CIT: variants seen among roughly 807,000 people sequenced by gnomAD.
CIT encodes citron rho-interacting serine/threonine kinase.
In CIT, 79 loss-of-function variants were observed where a neutral mutation model predicts 272.7. That is an observed-to-expected ratio of 0.29 (90% CI 0.24 to 0.35). CIT has a LOEUF of 0.35. Among genes scored for constraint, CIT ranks in the 10% least tolerant of loss-of-function variants. The pLI, the probability that CIT is intolerant of heterozygous loss-of-function variation, is 1.00. For missense variants in CIT, 1,909 were observed against 2,618.3 expected (o/e 0.73, Z 5.91); for synonymous variants, 948 against 995.6 (o/e 0.95, Z 0.90).
In CIT at chr12:119,764,818, C is replaced by CT. The variant is rs1210626323; in HGVS notation, c.2304+2268dup. On this transcript the variant is annotated intron_variant, in intron 19 of 47. Transcript: ENST00000392521. ...CAATCAAATTCTTTTTTATTTTTTT[C>CT]TTTTTTGAGACAGAGTCTCACTCTG... is the stretch of plus-strand genomic sequence containing the variant. Among the ~76,000 whole-genome samples the CT allele has an allele frequency of 2.0e-5, 3 of 151,466 alleles. No individual in the cohort carries two copies. The East Asian group carries it at 5.8e-4, about 29-fold the overall frequency.
In CIT at chr12:119,690,945, A is replaced by G. The variant is rs1323331318; in HGVS notation, c.5883-491T>C. Among the ~76,000 whole-genome samples, 1 of 152,180 alleles carries G rather than the reference A, an allele frequency of 6.6e-6. No individual in the cohort carries two copies. Among genetic ancestry groups the G allele is most frequent in the Non-Finnish European group, 1.5e-5 (1 of 68,026 alleles). On this transcript the variant is annotated intron_variant, in intron 46 of 47. Transcript: ENST00000392521. The surrounding 1 kb of genome is among the most constrained non-coding windows in gnomAD (Gnocchi z 6.0). ...TCCCAGCACTTTGGGAGGCCGAGGC[A>G]GGTAGATCACGAGGTCAGGAGATCG...
intron 10 of CIT, among the ~76,000 whole-genome samples, chr12:119,792,993 T>C (rs902121299): frequency 6.6e-6 from 1 of 152,056 alleles, no homozygotes; most frequent in African/African-American, 2.4e-5. Context: ...AAAATAACAA[T>C]GGTGCCCATC....
intron 23 of CIT, among the ~76,000 whole-genome samples, chr12:119,746,672 C>T (rs1013795457): frequency 6.6e-6 from 1 of 152,168 alleles, no homozygotes; most frequent in African/African-American, 2.4e-5. Context: ...GATCCATTTC[C>T]ATTAAAATTA....
chr12:119,765,099 C>T (rs1020591790), intron 19 of CIT, among the ~76,000 whole-genome samples: 2 of 152,062 alleles, frequency 1.3e-5, no homozygotes, highest in African/African-American at 4.8e-5. Flanking sequence ...TGAACCACCG[C>T]ACCCAGCCCC....
rs979223740 is a variant in CIT, at chr12:119,690,890, T to C, written c.5883-436A>G. ...GGGATTCCAATAAAGACCAGTTTGA[T>C]AGGCCAGGCGCAGTGGCGCACACCT... On this transcript the variant is annotated intron_variant, in intron 46 of 47. Coordinates refer to ENST00000392521, the MANE Select transcript of CIT (RefSeq NM_001206999.2). This position sits in a 1 kb window ranked among gnomAD's most constrained non-coding sequence, Gnocchi z 6.0. Among the ~76,000 whole-genome samples the C allele has an allele frequency of 1.3e-5, 2 of 152,144 alleles. No homozygotes were observed. The highest frequency in any genetic ancestry group is 2.9e-5 in the Non-Finnish European group (2 of 68,006).
chr12:119,861,239 G>T (rs1053218499), intron 3 of CIT, among the ~76,000 whole-genome samples: 2 of 152,092 alleles, frequency 1.3e-5, no homozygotes, highest in Non-Finnish European at 2.9e-5. Context: ...GGCCCAGTGG[G>T]CACTGAATAT....
chr12:119,863,201 CAAAAAA>C (rs751421292), intron 3 of CIT, among the ~76,000 whole-genome samples: 8 of 40,516 alleles, frequency 2.0e-4, no homozygotes, highest in South Asian at 1.0e-3. Context: ...GACTCTGTAT[CAAAAAA>C]AAAAAAAAAA....
intron 24 of CIT, among the ~76,000 whole-genome samples, chr12:119,738,854 G>T (rs925931090): frequency 2.1e-5 from 3 of 140,840 alleles, no homozygotes; most frequent in Non-Finnish European, 4.5e-5. Context: ...TTGCACCCCA[G>T]CCTGGGCAAT....
intron 23 of CIT, among the ~76,000 whole-genome samples, chr12:119,751,147 C>G (rs1045253730): frequency 2.0e-5 from 3 of 152,148 alleles, no homozygotes; most frequent in African/African-American, 7.2e-5. Context: ...CTTCTATGCT[C>G]ACAGTCTAGG....
chr12:119,750,968 G>T (rs1405323332), intron 23 of CIT, among the ~76,000 whole-genome samples: 2 of 151,968 alleles, frequency 1.3e-5, no homozygotes, highest in Admixed American at 6.6e-5. Context: ...ACCTATTTAG[G>T]TGGCTTATTA....
intron 22 of CIT, among the ~76,000 whole-genome samples, chr12:119,756,329 C>G (rs998363930): frequency 1.3e-5 from 2 of 152,192 alleles, no homozygotes; most frequent in African/African-American, 4.8e-5. Flanking sequence ...AAAGCAAGAA[C>G]GCACTCCACA....
chr12:119,831,814 G>A (rs1004675012), intron 7 of CIT, among the ~76,000 whole-genome samples: 1 of 152,118 alleles, frequency 6.6e-6, no homozygotes, highest in African/African-American at 2.4e-5. Context: ...AGCTTGCAGT[G>A]AGCCGAGATC....
intron 9 of CIT, among the ~76,000 whole-genome samples, chr12:119,808,062 A>G (rs1966710513): frequency 6.6e-6 from 1 of 152,158 alleles, no homozygotes; most frequent in African/African-American, 2.4e-5. Flanking sequence ...TATAAAATAG[A>G]TAGCAGAATC....
At position 119,704,411 on chromosome 12, in the gene CIT, G is replaced by A. The variant is rs1156585284; in HGVS notation, c.5256C>T (p.Val1752=). The change falls in exon 41 of 48, where the codon GTC becomes GTT. Residue 1752 remains valine, a synonymous_variant. Transcript: ENST00000392521. Reference sequence around the variant, plus strand: ...GGTTTTCGTTGTAGCGGAGAATGACGACTTTGCTGGGCATGGCTGCACAGA... The same window carrying A: ...GGTTTTCGTTGTAGCGGAGAATGACAACTTTGCTGGGCATGGCTGCACAGA... ...LCICAAMPSK[V]VILRYNENLS... is the part of the protein sequence containing the mutation. 1.2e-5 allele frequency: 19 copies of A among 1,613,830 alleles called. No homozygotes were observed. Among genetic ancestry groups the A allele is most frequent in the African/African-American group, 5.3e-5 (4 of 74,918 alleles).
At chr12:119,755,065 C>T (rs1960764121) in intron 22 of CIT, among the ~76,000 whole-genome samples, 1 of 152,184 alleles carries the variant, frequency 6.6e-6, no homozygotes, top group Non-Finnish European at 1.5e-5. Context: ...GTTAAACCAT[C>T]GCCTAAGGCT....
At chr12:119,866,917 C>A (rs1472025502) in intron 3 of CIT, among the ~76,000 whole-genome samples, 1 of 152,208 alleles carries the variant, frequency 6.6e-6, no homozygotes, top group Non-Finnish European at 1.5e-5. Flanking sequence ...ACCTTCTTTA[C>A]AAAATAGGCA....
chr12:119,688,276 A>AGGG (rs2136891486), intron 47 of CIT, 21 bp from the exon 48 acceptor site: 1 of 1,612,784 alleles, frequency 6.2e-7, no homozygotes, highest in Non-Finnish European at 8.5e-7. Flanking sequence ...AATAAGGAGG[A>AGGG]GTGTTAGCCA....
chr12:119,832,823 T>A lies in CIT; in HGVS notation c.701A>T (p.His234Leu). 6.2e-7 allele frequency: 1 copy of A among 1,614,162 alleles called. No individual in the cohort carries two copies. The highest frequency in any genetic ancestry group is 8.5e-7 in the Non-Finnish European group (1 of 1,179,992). Reference sequence around the variant, plus strand: ...AGATCCAAAATCCACCAGCTTGATGTGTCCTGTGCGGTCAACGAGAATGTT... The same window carrying A: ...AGATCCAAAATCCACCAGCTTGATGAGTCCTGTGCGGTCAACGAGAATGTT... ...PENILVDRTG[H>L]IKLVDFGSAA... Residue 234 changes from histidine (H) to leucine (L), a missense_variant, in exon 7 of 48, where the codon CAC (histidine) becomes CTC (leucine). By Grantham distance (99) the His-to-Leu change is moderately conservative. Coordinates refer to ENST00000392521, the MANE Select transcript of CIT (RefSeq NM_001206999.2).
intron 10 of CIT, among the ~76,000 whole-genome samples, chr12:119,797,940 C>T (rs1038151769): frequency 1.6e-4 from 25 of 152,166 alleles, no homozygotes; most frequent in Non-Finnish European, 3.1e-4. Flanking sequence ...ATGGATTAAC[C>T]AAATGCTTAT....
Sources: gnomAD v4.1 joint callset for allele counts (sites outside exome capture counted in the v4.1 genomes callset) on GRCh38, gnomAD v4.1.1 for gene constraint, Gnocchi (gnomAD v3.1) non-coding constraint, MANE v1.5 for transcripts, NCBI Gene and HGNC (gene_info 2026-07-23, HGNC 2026-07-21) for gene names.